Variants in IL1RAPL2 observed in about 807,000 individuals in gnomAD.
IL1RAPL2 encodes interleukin 1 receptor accessory protein like 2, also known as X-linked interleukin-1 receptor accessory protein-like 2.
A neutral mutation model predicts 44.1 loss-of-function variants in IL1RAPL2; 3 were observed. That is an observed-to-expected ratio of 0.07 (90% CI 0.03 to 0.18). The LOEUF (loss-of-function observed/expected upper bound fraction) is 0.18. Among genes scored for constraint, IL1RAPL2 ranks in the 10% least tolerant of loss-of-function variants. IL1RAPL2 has a pLI of 1.00. For missense variants in IL1RAPL2, 391 were observed against 496.4 expected, an observed-to-expected ratio of 0.79 and a Z score of 2.02; for synonymous variants, 181 against 178.8, an observed-to-expected ratio of 1.01 and a Z score of -0.10.
intron 1 of IL1RAPL2, among the ~76,000 whole-genome samples, chrX:104,586,947 G>A (rs967624504): frequency 3.6e-5 from 4 of 111,233 alleles, no homozygotes; most frequent in African/African-American, 9.8e-5. Context: ...TCCTTCTTAG[G>A]TTGCTGAAAA....
intron 2 of IL1RAPL2, among the ~76,000 whole-genome samples, chrX:105,017,595 C>G (rs1414352728): frequency 9.1e-6 from 1 of 110,130 alleles, no homozygotes; most frequent in Non-Finnish European, 1.9e-5. Flanking sequence ...ATCTAAGGAC[C>G]CAAAACCTTT....
intron 6 of IL1RAPL2, among the ~76,000 whole-genome samples, chrX:105,667,595 A>T (rs1227119260): frequency 1.8e-5 from 2 of 111,534 alleles, no homozygotes; most frequent in East Asian, 5.6e-4. Context: ...TCCAAGTAGA[A>T]TTTTTTTGCC....
At chrX:105,220,401 C>T (rs781877063) in intron 3 of IL1RAPL2, 8 of 1,174,661 alleles carry the variant, frequency 6.8e-6, no homozygotes, top group Admixed American at 4.6e-5. Flanking sequence ...AGGCCATGAT[C>T]GCCTAGGGGT....
At chrX:104,810,183 A>G (rs927956729) in intron 2 of IL1RAPL2, among the ~76,000 whole-genome samples, 4 of 109,726 alleles carry the variant, frequency 3.6e-5, no homozygotes, top group Admixed American at 2.0e-4. Context: ...CAAACACCGC[A>G]TATTCTCACT....
chrX:105,229,235 A>G (rs1303614514), intron 3 of IL1RAPL2, among the ~76,000 whole-genome samples: 1 of 112,231 alleles, frequency 8.9e-6, no homozygotes, highest in Non-Finnish European at 1.9e-5. Flanking sequence ...TAAATAATGC[A>G]AGATTGTTAG....
At chrX:104,937,742 T>C (rs189891600) in intron 2 of IL1RAPL2, among the ~76,000 whole-genome samples, 2 of 112,454 alleles carry the variant, frequency 1.8e-5, no homozygotes, top group African/African-American at 3.2e-5. Flanking sequence ...GGAAACATAT[T>C]GCTCCTCCCA....
chrX:105,713,515 G>A (rs1344304305), intron 6 of IL1RAPL2, among the ~76,000 whole-genome samples: 2 of 111,351 alleles, frequency 1.8e-5, no homozygotes, highest in Non-Finnish European at 3.8e-5. Flanking sequence ...AACAGCATGG[G>A]GGAAACTGCC....
intron 2 of IL1RAPL2, among the ~76,000 whole-genome samples, chrX:105,133,090 C>T (rs1602970250): frequency 8.9e-6 from 1 of 111,791 alleles, no homozygotes; most frequent in Non-Finnish European, 1.9e-5. Flanking sequence ...ACTGGTAAAT[C>T]TGATGATATC....
chrX:104,620,333 A>T (rs913453003), intron 1 of IL1RAPL2, among the ~76,000 whole-genome samples: 1 of 102,933 alleles, frequency 9.7e-6, no homozygotes, highest in Non-Finnish European at 2.0e-5. Context: ...TTGAAATACA[A>T]TTTTTTTTTT....
At chrX:104,875,595 T>G (rs943002534) in intron 2 of IL1RAPL2, among the ~76,000 whole-genome samples, 5 of 111,533 alleles carry the variant, frequency 4.5e-5, no homozygotes, top group Non-Finnish European at 9.4e-5. Flanking sequence ...GTGCCTGACT[T>G]ATACTATCCT....
At chrX:105,532,849 A>G (rs1444072327) in intron 6 of IL1RAPL2, among the ~76,000 whole-genome samples, 1 of 111,394 alleles carries the variant, frequency 9.0e-6, no homozygotes, top group Non-Finnish European at 1.9e-5. Context: ...ATATATACAT[A>G]CACCTCTAGA....
intron 2 of IL1RAPL2, among the ~76,000 whole-genome samples, chrX:104,696,256 A>AG (rs1931181229): frequency 8.9e-6 from 1 of 112,162 alleles, no homozygotes; most frequent in African/African-American, 3.2e-5. Context: ...TTTAAAAGAG[A>AG]GGGGTAAAGC....
chrX:105,033,867 G>A (rs1235809872), intron 2 of IL1RAPL2, among the ~76,000 whole-genome samples: 1 of 111,935 alleles, frequency 8.9e-6, no homozygotes, highest in Non-Finnish European at 1.9e-5. Flanking sequence ...ACACCAATCA[G>A]ACATAGATTT....
chrX:105,629,134 A>AT (rs201418527), intron 6 of IL1RAPL2, among the ~76,000 whole-genome samples: 6 of 108,403 alleles, frequency 5.5e-5, no homozygotes, highest in Middle Eastern at 4.8e-3. Flanking sequence ...TTTCCATTCA[A>AT]TTTTTTTTTT....
At chrX:105,124,776 C>T (rs1460158381) in intron 2 of IL1RAPL2, among the ~76,000 whole-genome samples, 2 of 110,505 alleles carry the variant, frequency 1.8e-5, no homozygotes, top group Non-Finnish European at 1.9e-5. Flanking sequence ...TCTGTTTTTT[C>T]CATTTCTTTG....
chrX:105,150,377 G>T (rs1366023127), intron 2 of IL1RAPL2, among the ~76,000 whole-genome samples: 1 of 111,967 alleles, frequency 8.9e-6, no homozygotes, highest in Admixed American at 9.5e-5. Flanking sequence ...CCCATTGAGG[G>T]TTAAAAATCT....
chrX:105,233,142 G>A (rs1442157034), intron 3 of IL1RAPL2, among the ~76,000 whole-genome samples: 1 of 111,224 alleles, frequency 9.0e-6, no homozygotes, highest in African/African-American at 3.3e-5. Flanking sequence ...AAATTAGCCG[G>A]GCGTGGTGGC....
At chrX:104,942,397 T>C (rs1421070577) in intron 2 of IL1RAPL2, among the ~76,000 whole-genome samples, 3 of 111,350 alleles carry the variant, frequency 2.7e-5, no homozygotes, top group Non-Finnish European at 3.8e-5. Context: ...TTGTAGTTCT[T>C]CTTGAAGAGG....
At chrX:105,500,569 C>T (rs997290233) in intron 6 of IL1RAPL2, among the ~76,000 whole-genome samples, 5 of 111,294 alleles carry the variant, frequency 4.5e-5, no homozygotes, top group Non-Finnish European at 9.4e-5. Context: ...ACAATCAATT[C>T]CAAATTGGTC....
Sources: gnomAD v4.1 joint callset for allele counts (sites outside exome capture counted in the v4.1 genomes callset) on GRCh38, gnomAD v4.1.1 for gene constraint, MANE v1.5 for transcripts, NCBI Gene and HGNC (gene_info 2026-07-23, HGNC 2026-07-21) for gene names.